Variants in CXCR5 observed in about 807,000 individuals in gnomAD.
CXCR5 encodes the protein C-X-C motif chemokine receptor 5, also known as C-X-C chemokine receptor type 5.
Under a neutral mutation model 5.6 loss-of-function variants are expected in CXCR5, and 3 were observed. That is an observed-to-expected ratio of 0.54 (90% CI 0.24 to 1.39). The LOEUF (loss-of-function observed/expected upper bound fraction) is 1.39. CXCR5 is among the 40% of genes most tolerant of loss of function. The pLI is 0.16. For missense variants in CXCR5, 333 were observed against 494.6 expected (o/e 0.67, Z 3.10); for synonymous variants, 218 against 219.9 (o/e 0.99, Z 0.08).
At chr11:118,889,955 C>T (rs1038280842) in intron 1 of CXCR5, among the ~76,000 whole-genome samples, 2 of 152,192 alleles carry the variant, frequency 1.3e-5, no homozygotes, top group African/African-American at 4.8e-5. Flanking sequence ...GCTGGCTGGA[C>T]CTAAGCCCTC....
chr11:118,884,884 G>A (rs1439476247), intron 1 of CXCR5, among the ~76,000 whole-genome samples: 1 of 152,120 alleles, frequency 6.6e-6, no homozygotes, highest in Non-Finnish European at 1.5e-5. Flanking sequence ...CGACGGCAGA[G>A]GCTGGTTGTA....
Position 118,894,828 on chromosome 11 carries a change from T to G in CXCR5, c.*165T>G. ...GGAACCAACCCCCATTTCTAGAACATCCCTGCCAGCTCTTCTGCCGGCCCT... is the reference window on the plus strand; with the variant it reads ...GGAACCAACCCCCATTTCTAGAACAGCCCTGCCAGCTCTTCTGCCGGCCCT... On this transcript the variant is annotated 3_prime_UTR_variant, in exon 2 of 2. Coordinates refer to ENST00000292174, the MANE Select transcript of CXCR5 (RefSeq NM_001716.5). The surrounding 1 kb of genome is among the most constrained non-coding windows in gnomAD (Gnocchi z 6.1). 5 of 585,128 alleles carry G rather than the reference T, an allele frequency of 8.5e-6. No homozygotes were observed. The highest frequency in any genetic ancestry group is 5.0e-4 in the Middle Eastern group (1 of 1,994). 36.2% of individuals were successfully genotyped at this position (585,128 alleles called of 1,614,324 possible).
chr11:118,891,382 C>G (rs1939807986), intron 1 of CXCR5, among the ~76,000 whole-genome samples: 1 of 151,878 alleles, frequency 6.6e-6, no homozygotes. Context: ...GTCTGTTACC[C>G]AGGCTGGAGC....
At chr11:118,891,119 T>C (rs1939801750) in intron 1 of CXCR5, among the ~76,000 whole-genome samples, 2 of 152,214 alleles carry the variant, frequency 1.3e-5, no homozygotes, top group South Asian at 4.1e-4. Context: ...AGAAATTCCA[T>C]GGAATCCTAC....
At chr11:118,885,792 G>A (rs1939701504) in intron 1 of CXCR5, 1 of 154,050 alleles carries the variant, frequency 6.5e-6, no homozygotes, top group South Asian at 2.0e-4. Flanking sequence ...TGGGGGAAAG[G>A]GACCCAGTGA....
Position 118,894,642 on chromosome 11 carries a change from C to T in CXCR5, c.1098C>T (p.Ala366=). 6.6e-7 allele frequency: 1 copy of T among 1,511,602 alleles called. No individual in the cohort carries two copies. Among genetic ancestry groups the T allele is most frequent in the Non-Finnish European group, 8.8e-7 (1 of 1,130,272 alleles). 93.6% of individuals were successfully genotyped at this position (1,511,602 alleles called of 1,614,324 possible). The change falls in exon 2 of 2, where the codon GCC becomes GCT. Residue 366 remains alanine, a synonymous_variant. Transcript: ENST00000292174. The surrounding 1 kb of genome is among the most constrained non-coding windows in gnomAD (Gnocchi z 6.1). ...GCAGTCTCTCTGAGTCAGAGAATGCCACCTCTCTCACCACGTTCTAGGTCC... is the reference window on the plus strand; with the variant it reads ...GCAGTCTCTCTGAGTCAGAGAATGCTACCTCTCTCACCACGTTCTAGGTCC... ...RRSSLSESEN[A]TSLTTF is the part of the protein sequence containing the mutation.
Position 118,896,497 on chromosome 11 carries a change from A to ACAGGGCC in CXCR5, c.*1839_*1845dup, listed in dbSNP as rs1344423140. On this transcript the variant is annotated 3_prime_UTR_variant, in exon 2 of 2. Coordinates refer to ENST00000292174, the MANE Select transcript of CXCR5 (RefSeq NM_001716.5). Reference sequence around the variant, plus strand: ...GGCCAGGGGTGGAGGGCTCAAGGGCACAGGGCCCAGGCTGAGGCAGGGCGG... The same window carrying ACAGGGCC: ...GGCCAGGGGTGGAGGGCTCAAGGGCACAGGGCCCAGGGCCCAGGCTGAGGCAGGGCGG... 2.0e-5 allele frequency: 3 copies of ACAGGGCC among 152,900 alleles called. No individual in the cohort carries two copies. The highest frequency in any genetic ancestry group is 7.2e-5 in the African/African-American group (3 of 41,426). 9.5% of individuals were successfully genotyped at this position (152,900 alleles called of 1,614,324 possible).
chr11:118,887,731 C>T (rs1939737073), intron 1 of CXCR5: 1 of 152,660 alleles, frequency 6.6e-6, no homozygotes, highest in African/African-American at 2.4e-5. Context: ...CCCTGCACCC[C>T]TTAAGCCACT....
In CXCR5 at chr11:118,894,991, T is replaced by C. The variant is rs1939881228; in HGVS notation, c.*328T>C. The C allele has an allele frequency of 7.4e-6, 2 of 270,984 alleles. No homozygotes were observed. Among genetic ancestry groups the C allele is most frequent in the Non-Finnish European group, 1.5e-5 (2 of 135,786 alleles). The allele number at this position is 270,984 out of a possible 1,614,324, so 16.8% of individuals were successfully genotyped here. On this transcript the variant is annotated 3_prime_UTR_variant, in exon 2 of 2. Transcript: ENST00000292174. This position sits in a 1 kb window ranked among gnomAD's most constrained non-coding sequence, Gnocchi z 6.1. ...ATCATCCAATGCTCAAGAAACAACTTCTACTTCTGCCCTTGCCAACGGAGA... is the reference window on the plus strand; with the variant it reads ...ATCATCCAATGCTCAAGAAACAACTCCTACTTCTGCCCTTGCCAACGGAGA...
At chr11:118,892,674 G>C (rs74235169) in intron 1 of CXCR5, among the ~76,000 whole-genome samples, 35 of 151,800 alleles carry the variant, frequency 2.3e-4, no homozygotes, top group African/African-American at 6.1e-4. Flanking sequence ...TGATGGGGGG[G>C]GGGTGATGGG....
intron 1 of CXCR5, among the ~76,000 whole-genome samples, chr11:118,888,292 C>T (rs1939751687): frequency 2.0e-5 from 3 of 152,184 alleles, no homozygotes; most frequent in African/African-American, 7.2e-5. Context: ...ACGCTACCCC[C>T]TCAGCTTCTG....
At chr11:118,892,670 G>A (rs1048241676) in intron 1 of CXCR5, among the ~76,000 whole-genome samples, 6 of 151,568 alleles carry the variant, frequency 4.0e-5, no homozygotes, top group Non-Finnish European at 5.9e-5. Context: ...GGGGTGATGG[G>A]GGGGGGGTGA....
chr11:118,893,307 C>A lies in CXCR5; in HGVS notation c.52-289C>A. Reference sequence around the variant, plus strand: ...GCTGCAGGCTTCCGTACATGAGGACCCAAAAACACAAGCTGACTTATGGGG... The same window carrying A: ...GCTGCAGGCTTCCGTACATGAGGACACAAAAACACAAGCTGACTTATGGGG... On this transcript the variant is annotated intron_variant, in intron 1 of 1. Transcript: ENST00000292174. This position sits in a 1 kb window ranked among gnomAD's most constrained non-coding sequence, Gnocchi z 5.7. 4.7e-6 allele frequency: 4 copies of A among 856,454 alleles called. No homozygotes were observed. Among genetic ancestry groups the A allele is most frequent in the Non-Finnish European group, 5.6e-6 (4 of 712,570 alleles). The allele number at this position is 856,454 out of a possible 1,614,324, so 53.1% of individuals were successfully genotyped here.
rs1391081829 is a variant in CXCR5, at chr11:118,895,367, G to C, written c.*704G>C. 5 of 167,134 alleles carry C rather than the reference G, an allele frequency of 3.0e-5. No homozygotes were observed. Among genetic ancestry groups the C allele is most frequent in the African/African-American group, 1.2e-4 (5 of 41,468 alleles). The allele number at this position is 167,134 out of a possible 1,614,324, so 10.4% of individuals were successfully genotyped here. A position where few individuals can be genotyped will look rare whatever the true frequency, so the allele number is the denominator to read the frequency against. On this transcript the variant is annotated 3_prime_UTR_variant, in exon 2 of 2. Coordinates refer to ENST00000292174, the MANE Select transcript of CXCR5 (RefSeq NM_001716.5). This position sits in a 1 kb window ranked among gnomAD's most constrained non-coding sequence, Gnocchi z 4.2. ...TGGTCTGCAGGCAGGGCTGACTCTA[G>C]GTGCCCTTGGAGGCCAGCCAGTGAC...
chr11:118,897,752 T>G lies in CXCR5; in HGVS notation c.*3089T>G. Reference sequence around the variant, plus strand: ...TTGAAGAAGGGGGGAAGGGTTTCTTTTATCCTTTTTTTTTTGTGTGACTTC... The same window carrying G: ...TTGAAGAAGGGGGGAAGGGTTTCTTGTATCCTTTTTTTTTTGTGTGACTTC... On this transcript the variant is annotated 3_prime_UTR_variant, in exon 2 of 2. Transcript: ENST00000292174. 1 of 437,744 alleles carries G rather than the reference T, an allele frequency of 2.3e-6. No homozygotes were observed. The highest frequency in any genetic ancestry group is 4.5e-6 in the Non-Finnish European group (1 of 221,532). The allele number at this position is 437,744 out of a possible 1,614,324, so 27.1% of individuals were successfully genotyped here. A position where few individuals can be genotyped will look rare whatever the true frequency, so the allele number is the denominator to read the frequency against.
chr11:118,888,489 A>T (rs1210877710), intron 1 of CXCR5, among the ~76,000 whole-genome samples: 3 of 152,050 alleles, frequency 2.0e-5, no homozygotes, highest in African/African-American at 7.2e-5. Context: ...CCCCTCAACA[A>T]AGTGGTCATC....
intron 1 of CXCR5, among the ~76,000 whole-genome samples, chr11:118,885,383 G>T (rs1328602570): frequency 6.6e-6 from 1 of 152,170 alleles, no homozygotes; most frequent in East Asian, 1.9e-4. Context: ...AACCTCGTGG[G>T]GGGTCCTGCT....
intron 1 of CXCR5, chr11:118,887,679 G>C (rs1939735833): frequency 1.3e-5 from 2 of 152,576 alleles, no homozygotes; most frequent in Non-Finnish European, 2.9e-5. Flanking sequence ...AAGGGGTACA[G>C]ACCTACACCC....
At chr11:118,891,695 C>T (rs1397158653) in intron 1 of CXCR5, among the ~76,000 whole-genome samples, 2 of 151,820 alleles carry the variant, frequency 1.3e-5, no homozygotes, top group Admixed American at 6.6e-5. Context: ...ATGGTGAAAC[C>T]TTGTCTCTAC....
Sources: allele counts gnomAD v4.1 joint callset (sites outside exome capture counted in the v4.1 genomes callset), GRCh38; gene constraint gnomAD v4.1.1; non-coding constraint Gnocchi (gnomAD v3.1); transcripts MANE v1.5; gene names NCBI Gene and HGNC (gene_info 2026-07-23, HGNC 2026-07-21).